Variants in ZNF804B observed in about 807,000 individuals in gnomAD.
The protein encoded by ZNF804B is zinc finger 804B.
In ZNF804B, 80 loss-of-function variants were observed where a neutral mutation model predicts 101.4. The ratio of observed to expected loss-of-function variants is 0.79; its 90% CI spans 0.66 to 0.95. The LOEUF (loss-of-function observed/expected upper bound fraction) is 0.95. Among genes scored for constraint, ZNF804B ranks in the 40% least tolerant of loss-of-function variants. The pLI is 0.00. For missense variants in ZNF804B, 1,673 were observed against 1,561.9 expected (o/e 1.07, Z -1.20); for synonymous variants, 622 against 558.8 (o/e 1.11, Z -1.59).
chr7:88,937,987 G>A (rs889451680), intron 1 of ZNF804B, among the ~76,000 whole-genome samples: 1 of 152,068 alleles, frequency 6.6e-6, no homozygotes, highest in Non-Finnish European at 1.5e-5. Flanking sequence ...CTGGGAACAT[G>A]TGCCCAAGGT....
intron 1 of ZNF804B, among the ~76,000 whole-genome samples, chr7:89,193,932 G>A (rs1261576617): frequency 6.6e-6 from 1 of 152,154 alleles, no homozygotes; most frequent in Non-Finnish European, 1.5e-5. Context: ...CCCACCAACA[G>A]TGTAAAAGAG....
At chr7:89,029,386 G>A (rs545685114) in intron 1 of ZNF804B, among the ~76,000 whole-genome samples, 1 of 152,278 alleles carries the variant, frequency 6.6e-6, no homozygotes, top group East Asian at 1.9e-4. Context: ...TTACAGGTGT[G>A]AGCCACTGTG....
At chr7:89,010,424 T>G (rs760845395) in intron 1 of ZNF804B, among the ~76,000 whole-genome samples, 31 of 152,180 alleles carry the variant, frequency 2.0e-4, no homozygotes, top group Non-Finnish European at 4.1e-4. Flanking sequence ...TTACTCATTC[T>G]TAGTAGAGAG....
chr7:89,032,350 T>C (rs1584085303), intron 1 of ZNF804B, among the ~76,000 whole-genome samples: 1 of 151,920 alleles, frequency 6.6e-6, no homozygotes, highest in African/African-American at 2.4e-5. Flanking sequence ...GGGGGATAAA[T>C]TCAGACTCAA....
At chr7:89,193,550 A>G (rs1788495113) in intron 1 of ZNF804B, among the ~76,000 whole-genome samples, 1 of 145,098 alleles carries the variant, frequency 6.9e-6, no homozygotes, top group Non-Finnish European at 1.5e-5. Flanking sequence ...CCTATGAGTG[A>G]TAACATGTTG....
intron 1 of ZNF804B, among the ~76,000 whole-genome samples, chr7:89,201,285 G>T (rs1402868902): frequency 4.1e-4 from 62 of 152,014 alleles, no homozygotes; most frequent in Non-Finnish European, 2.9e-5. Context: ...TCCAGAATTA[G>T]GATTTTTTAT....
intron 2 of ZNF804B, among the ~76,000 whole-genome samples, chr7:89,263,817 G>A (rs1392681820): frequency 2.0e-5 from 3 of 152,104 alleles, no homozygotes; most frequent in Non-Finnish European, 4.4e-5. Context: ...GAGGCAGGGA[G>A]GGATTCAACT....
intron 1 of ZNF804B, among the ~76,000 whole-genome samples, chr7:88,870,316 C>T (rs1474546678): frequency 5.2e-5 from 7 of 134,914 alleles, no homozygotes; most frequent in Non-Finnish European, 9.2e-5. Flanking sequence ...ACCCGGGAGG[C>T]GGAGCTTGCA....
chr7:89,231,918 C>T (rs960447803), intron 2 of ZNF804B, among the ~76,000 whole-genome samples: 1 of 151,978 alleles, frequency 6.6e-6, no homozygotes, highest in African/African-American at 2.4e-5. Context: ...AGCTATATGC[C>T]TGCACTTATG....
At chr7:88,808,706 A>G (rs190039390) in intron 1 of ZNF804B, among the ~76,000 whole-genome samples, 30 of 152,364 alleles carry the variant, frequency 2.0e-4, no homozygotes, top group African/African-American at 7.2e-4. Flanking sequence ...GCATCTAAAA[A>G]GAATTCAGAA....
chr7:88,952,211 G>C (rs568673030), intron 1 of ZNF804B, among the ~76,000 whole-genome samples: 1 of 151,836 alleles, frequency 6.6e-6, no homozygotes, highest in African/African-American at 2.4e-5. Flanking sequence ...GACTGGGCTT[G>C]TGCCATATTC....
chr7:89,161,113 G>A (rs962807157), intron 1 of ZNF804B, among the ~76,000 whole-genome samples: 19 of 151,978 alleles, frequency 1.3e-4, no homozygotes, highest in African/African-American at 4.6e-4. Flanking sequence ...AAGGGCTAGA[G>A]ATCTCTATCT....
intron 1 of ZNF804B, among the ~76,000 whole-genome samples, chr7:88,839,656 G>A (rs745407095): frequency 6.6e-6 from 1 of 151,946 alleles, no homozygotes. Context: ...TGAGACAGGA[G>A]TATGGAGAAT....
rs377052292 is a variant in ZNF804B at position 89,335,662 on chromosome 7, G to C, written c.2680G>C (p.Gly894Arg). Reference protein sequence around the residue: ...GKVRPMKCNSGNISCLLKNCS... With the variant: ...GKVRPMKCNSRNISCLLKNCS... ...AGTCAGGCCCATGAAGTGTAACTCC[G>C]GGAATATCAGCTGCCTTCTAAAGAA... Residue 894 changes from glycine (G) to arginine (R), a missense_variant, in exon 4 of 4, where the codon GGG becomes CGG. Coordinates refer to ENST00000333190, the MANE Select transcript of ZNF804B (RefSeq NM_181646.5). 3.7e-6 allele frequency: 6 copies of C among 1,613,860 alleles called. No homozygotes were observed. The highest frequency in any genetic ancestry group is 5.1e-6 in the Non-Finnish European group (6 of 1,179,992).
intron 1 of ZNF804B, among the ~76,000 whole-genome samples, chr7:89,084,829 C>A (rs1341032360): frequency 1.3e-5 from 2 of 151,898 alleles, no homozygotes; most frequent in African/African-American, 4.8e-5. Flanking sequence ...CTATTTTTCA[C>A]ATTTTTGTTC....
chr7:89,201,135 A>G (rs766319642), intron 1 of ZNF804B, among the ~76,000 whole-genome samples: 14 of 152,032 alleles, frequency 9.2e-5, no homozygotes, highest in Non-Finnish European at 1.9e-4. Context: ...TACAGAAGAG[A>G]CATTTTCTAC....
chr7:89,213,516 A>G (rs1362065372), intron 1 of ZNF804B, among the ~76,000 whole-genome samples: 1 of 152,194 alleles, frequency 6.6e-6, no homozygotes, highest in South Asian at 2.1e-4. Flanking sequence ...AACCAATGCA[A>G]CAAGACTACT....
Position 89,334,204 on chromosome 7 carries a change from G to C in ZNF804B, c.1222G>C (p.Glu408Gln), listed in dbSNP as rs750378853. 81 of 1,613,334 alleles carry C rather than the reference G, an allele frequency of 5.0e-5. No individual in the cohort carries two copies. Among genetic ancestry groups the C allele is most frequent in the Non-Finnish European group, 6.7e-5 (79 of 1,179,826 alleles). Residue 408 changes from glutamate (E) to glutamine (Q), a missense_variant, in exon 4 of 4, where the codon GAG becomes CAG. Transcript: ENST00000333190. ...TVHLNPNSRI[E>Q]NREKSLDKTE... ...GCATCTGAATCCAAATTCCAGAATAGAGAACAGAGAAAAATCTTTAGATAA... is the reference window on the plus strand; with the variant it reads ...GCATCTGAATCCAAATTCCAGAATACAGAACAGAGAAAAATCTTTAGATAA...
chr7:89,211,933 G>C (rs1788811318), intron 1 of ZNF804B, among the ~76,000 whole-genome samples: 1 of 152,142 alleles, frequency 6.6e-6, no homozygotes, highest in African/African-American at 2.4e-5. Context: ...ATTACTTTGA[G>C]CAGTATGGCC....
Sources: gnomAD v4.1 joint callset for allele counts (sites outside exome capture counted in the v4.1 genomes callset) on GRCh38, gnomAD v4.1.1 for gene constraint, MANE v1.5 for transcripts, NCBI Gene and HGNC (gene_info 2026-07-23, HGNC 2026-07-21) for gene names.